RNF38: variants seen among roughly 807,000 people sequenced by gnomAD.
RNF38 encodes E3 ubiquitin-protein ligase RNF38.
Under a neutral mutation model 67.2 loss-of-function variants are expected in RNF38, and 15 were observed. That is an observed-to-expected ratio of 0.22 (90% CI 0.15 to 0.34). RNF38 has a LOEUF of 0.34. Among genes scored for constraint, RNF38 ranks in the 10% least tolerant of loss-of-function variants. The pLI is 1.00. For synonymous variants in RNF38, 220 were observed against 218.8 expected, an observed-to-expected ratio of 1.01 and a Z score of -0.05; for missense variants, 524 against 639.9, an observed-to-expected ratio of 0.82 and a Z score of 1.95.
chr9:36,372,183 C>T lies in RNF38; in HGVS notation c.357-2251G>A, dbSNP rs144262909. ...CGACCTTGTGATCCGCCCACCTCAGCCTCCCAAAGTGCTGGGATTACAGGC... is the reference window on the plus strand; with the variant it reads ...CGACCTTGTGATCCGCCCACCTCAGTCTCCCAAAGTGCTGGGATTACAGGC... On this transcript the variant is annotated intron_variant, in intron 3 of 11. Coordinates refer to ENST00000259605, the MANE Select transcript of RNF38 (RefSeq NM_022781.5). 5.2e-3 allele frequency among the ~76,000 whole-genome samples: 791 copies of T among 152,324 alleles called. 6 individuals carry two copies. The highest frequency in any genetic ancestry group is 8.4e-3 in the Non-Finnish European group (570 of 68,030).
At position 36,445,213 on chromosome 9, in the gene RNF38, C is replaced by T. The variant is rs1049428248; in HGVS notation, n.242-20530G>A. Among the ~76,000 whole-genome samples, 10 of 152,114 alleles carry T rather than the reference C, an allele frequency of 6.6e-5. No homozygotes were observed. The South Asian group carries it at 1.9e-3, about 28-fold the overall frequency. On this transcript the variant is annotated intron_variant and non_coding_transcript_variant, in intron 1 of 3. Transcript: ENST00000488058. Reference sequence around the variant, plus strand: ...CAGCAATAAATAGCAAGTACTGGAACCAAAGAACAGAAAAAAATCCAGGTA... The same window carrying T: ...CAGCAATAAATAGCAAGTACTGGAATCAAAGAACAGAAAAAAATCCAGGTA...
intron 2 of RNF38, among the ~76,000 whole-genome samples, chr9:36,406,899 C>T (rs967661894): frequency 9.9e-5 from 15 of 152,168 alleles, no homozygotes; most frequent in Admixed American, 6.5e-4. Flanking sequence ...CGGTGGCTCA[C>T]GCCTGTAATC....
intron 6 of RNF38, among the ~76,000 whole-genome samples, chr9:36,355,234 G>C (rs966737188): frequency 6.6e-6 from 1 of 152,210 alleles, no homozygotes; most frequent in African/African-American, 2.4e-5. Context: ...ACAATAAACT[G>C]TCAAGTTCTT....
At chr9:36,341,538 CTA>C (rs1832832435) in intron 11 of RNF38, among the ~76,000 whole-genome samples, 1 of 151,960 alleles carries the variant, frequency 6.6e-6, no homozygotes, top group African/African-American at 2.4e-5. Context: ...CAATTTGAGA[CTA>C]TGAAACTATG....
At chr9:36,484,583 T>C (rs1840356817) in intron 1 of RNF38, among the ~76,000 whole-genome samples, 1 of 152,212 alleles carries the variant, frequency 6.6e-6, no homozygotes, top group African/African-American at 2.4e-5. Context: ...ATTAAAGGTA[T>C]AAATAAAGCC....
rs1490707191 is a variant in RNF38, at chr9:36,337,336, T to C, written c.*2416A>G. ...CATTCCCAAAGATCAGTCACTAGAG[T>C]GCAACAACGAAATTCAAGATTTGAC... On this transcript the variant is annotated 3_prime_UTR_variant, in exon 12 of 12. Coordinates refer to ENST00000259605, the MANE Select transcript of RNF38 (RefSeq NM_022781.5). 1 of 152,682 alleles carries C rather than the reference T, an allele frequency of 6.5e-6. No individual in the cohort carries two copies. Among genetic ancestry groups the C allele is most frequent in the Non-Finnish European group, 1.5e-5 (1 of 68,016 alleles). The allele number at this position is 152,682 out of a possible 1,614,324, so 9.5% of individuals were successfully genotyped here.
rs1009134773 is a variant in RNF38, at chr9:36,361,247, G to GTGT, written c.571-3306_571-3305insACA. Reference sequence around the variant, plus strand: ...GCTCACTGCAACCTCTGCCTCCTGGGATCACACCACTCTCCTACCTCAGCC... The same window carrying GTGT: ...GCTCACTGCAACCTCTGCCTCCTGGGTGTATCACACCACTCTCCTACCTCAGCC... On this transcript the variant is annotated intron_variant, in intron 4 of 11. Coordinates refer to ENST00000259605, the MANE Select transcript of RNF38 (RefSeq NM_022781.5). Among the ~76,000 whole-genome samples the GTGT allele has an allele frequency of 6.6e-4, 100 of 151,936 alleles. 2 individuals carry two copies. Among genetic ancestry groups the GTGT allele is most frequent in the African/African-American group, 2.1e-3 (87 of 41,396 alleles).
intron 4 of RNF38, among the ~76,000 whole-genome samples, chr9:36,358,249 C>T (rs1834272579): frequency 6.6e-6 from 1 of 152,140 alleles, no homozygotes; most frequent in Non-Finnish European, 1.5e-5. Flanking sequence ...ATAAAAAGAA[C>T]TGGAATCATT....
chr9:36,390,435 C>T, intron 2 of RNF38, 32 bp downstream of exon 2: 1 of 1,577,566 alleles, frequency 6.3e-7, no homozygotes, highest in Non-Finnish European at 8.6e-7. Flanking sequence ...GACTTTCAGC[C>T]CTATGTAGGG....
intron 1 of RNF38, among the ~76,000 whole-genome samples, chr9:36,433,087 C>A (rs1212869425): frequency 6.8e-6 from 1 of 148,138 alleles, no homozygotes; most frequent in Non-Finnish European, 1.5e-5. Context: ...TTGATATTCA[C>A]AGTGGAGATA....
intron 10 of RNF38, among the ~76,000 whole-genome samples, chr9:36,343,810 T>G (rs1833021347): frequency 6.6e-6 from 1 of 152,092 alleles, no homozygotes; most frequent in Non-Finnish European, 1.5e-5. Context: ...GACCCTATAT[T>G]GTATGACCCC....
At chr9:36,386,405 T>C (rs989099565) in intron 2 of RNF38, among the ~76,000 whole-genome samples, 1 of 152,238 alleles carries the variant, frequency 6.6e-6, no homozygotes, top group South Asian at 2.1e-4. Flanking sequence ...AGAATATAGA[T>C]ATTTTCACAA....
At chr9:36,373,129 T>C (rs1051118155) in intron 3 of RNF38, among the ~76,000 whole-genome samples, 11 of 152,046 alleles carry the variant, frequency 7.2e-5, no homozygotes, top group Admixed American at 3.3e-4. Context: ...ATCACTTGAA[T>C]GTGGGAGGTG....
intron 1 of RNF38, among the ~76,000 whole-genome samples, chr9:36,463,038 C>A (rs979602772): frequency 6.6e-6 from 1 of 151,760 alleles, no homozygotes; most frequent in Non-Finnish European, 1.5e-5. Context: ...TAAAGAATGG[C>A]TACTCCATAG....
At chr9:36,438,857 C>A (rs888129146) in intron 1 of RNF38, among the ~76,000 whole-genome samples, 1 of 152,154 alleles carries the variant, frequency 6.6e-6, no homozygotes, top group African/African-American at 2.4e-5. Flanking sequence ...TAGAGAAGGG[C>A]AAACAATACA....
chr9:36,377,070 A>G (rs181505000), intron 2 of RNF38, among the ~76,000 whole-genome samples: 1 of 152,314 alleles, frequency 6.6e-6, no homozygotes, highest in East Asian at 1.9e-4. Context: ...AGGGTCCCAC[A>G]TGGACTTACT....
chr9:36,424,951 G>A (rs185320848), intron 1 of RNF38, among the ~76,000 whole-genome samples: 21 of 152,160 alleles, frequency 1.4e-4, no homozygotes, highest in South Asian at 4.2e-4. Context: ...CTACTAGACC[G>A]AGTAGTCTGC....
intron 4 of RNF38, 62 bp downstream of exon 4, chr9:36,369,657 A>G: frequency 1.4e-6 from 2 of 1,407,174 alleles, no homozygotes; most frequent in Non-Finnish European, 1.9e-6. Context: ...GCCAAAAAAA[A>G]AAAATCTCAA....
intron 1 of RNF38, among the ~76,000 whole-genome samples, chr9:36,425,470 G>A (rs752944237): frequency 3.3e-5 from 5 of 152,168 alleles, no homozygotes; most frequent in African/African-American, 4.8e-5. Flanking sequence ...AGGGCGGGTG[G>A]ATCACCCGAG....
Sources: gnomAD v4.1 joint callset for allele counts (sites outside exome capture counted in the v4.1 genomes callset) on GRCh38, gnomAD v4.1.1 for gene constraint, MANE v1.5 for transcripts, NCBI Gene and HGNC (gene_info 2026-07-23, HGNC 2026-07-21) for gene names.